SPATA31H1: variants seen among roughly 807,000 people sequenced by gnomAD.
The protein encoded by SPATA31H1 is SPATA31 subfamily H member 1, also known as spermatogenesis-associated protein 31H1.
At chr2:27,553,472 T>C in the SPATA31H1 span, among the ~76,000 whole-genome samples, 1 of 152,106 alleles carries the variant, frequency 6.6e-6, no homozygotes, top group Non-Finnish European at 1.5e-5. Context: ...AGTGTTCTCT[T>C]TGAATACACT....
chr2:27,556,560 C>T, the SPATA31H1 span, among the ~76,000 whole-genome samples: 1 of 151,266 alleles, frequency 6.6e-6, no homozygotes, highest in Non-Finnish European at 1.5e-5. Context: ...CTAATCTGTA[C>T]CCCTTACTGA....
the SPATA31H1 span, chr2:27,579,629 T>C: frequency 6.2e-7 from 1 of 1,614,202 alleles, no homozygotes; most frequent in African/African-American, 1.3e-5. Context: ...CTGTCTCATG[T>C]GCAGGGGGCC....
At chr2:27,543,882 C>T in the SPATA31H1 span, among the ~76,000 whole-genome samples, 1 of 152,112 alleles carries the variant, frequency 6.6e-6, no homozygotes, top group South Asian at 2.1e-4. Context: ...TCCCTCCTGT[C>T]TCAACCCTCT....
chr2:27,546,601 C>A, the SPATA31H1 span, among the ~76,000 whole-genome samples: 3 of 152,034 alleles, frequency 2.0e-5, no homozygotes, highest in Non-Finnish European at 2.9e-5. Context: ...GGTGTGATTA[C>A]AGCTCACTGC....
At chr2:27,539,086 CATT>C in the SPATA31H1 span, among the ~76,000 whole-genome samples, 1 of 139,402 alleles carries the variant, frequency 7.2e-6, no homozygotes, top group African/African-American at 2.7e-5. Context: ...TAATTATAAA[CATT>C]ATCATCATTT....
At chr2:27,542,396 AAAAAAT>A in the SPATA31H1 span, among the ~76,000 whole-genome samples, 2 of 151,992 alleles carry the variant, frequency 1.3e-5, no homozygotes, top group Admixed American at 6.5e-5. Context: ...GACTGTCTCA[AAAAAAT>A]AAAAATAAAA....
At chr2:27,578,439 G>C in the SPATA31H1 span, 2 of 1,614,070 alleles carry the variant, frequency 1.2e-6, no homozygotes, top group Non-Finnish European at 1.7e-6. Context: ...AGTAGCCCTA[G>C]AATCAGGAAT....
chr2:27,578,153 G>T, the SPATA31H1 span: 1 of 1,614,116 alleles, frequency 6.2e-7, no homozygotes, highest in Non-Finnish European at 8.5e-7. Flanking sequence ...TAAAGTCTGT[G>T]ACGATACCAA....
At chr2:27,576,313 T>C in the SPATA31H1 span, 5 of 438,276 alleles carry the variant, frequency 1.1e-5, no homozygotes, top group Non-Finnish European at 2.0e-5. Flanking sequence ...TTTCAAGATA[T>C]AACACCAAAG....
At chr2:27,562,148 TTGTAA>T in the SPATA31H1 span, among the ~76,000 whole-genome samples, 1 of 152,192 alleles carries the variant, frequency 6.6e-6, no homozygotes, top group Non-Finnish European at 1.5e-5. Flanking sequence ...TCCTACAGCT[TTGTAA>T]TGTATCTTAG....
chr2:27,563,229 AACTGCTTTCAT>A, the SPATA31H1 span, among the ~76,000 whole-genome samples: 1 of 151,982 alleles, frequency 6.6e-6, no homozygotes, highest in Admixed American at 6.6e-5. Flanking sequence ...TTATCATTTC[AACTGCTTTCAT>A]ACTTACTATC....
the SPATA31H1 span, chr2:27,571,292 T>C: frequency 2.5e-6 from 1 of 398,246 alleles, no homozygotes; most frequent in Admixed American, 4.4e-5. Flanking sequence ...ACTTGGAAGA[T>C]ATGAAATCTG....
chr2:27,557,881 C>A, the SPATA31H1 span, among the ~76,000 whole-genome samples: 1 of 39,184 alleles, frequency 2.6e-5, no homozygotes, highest in African/African-American at 1.0e-4. Flanking sequence ...CCCCCTCCCC[C>A]CTCCCGGACG....
At chr2:27,542,165 G>A in the SPATA31H1 span, among the ~76,000 whole-genome samples, 1,398 of 152,080 alleles carry the variant, frequency 9.2e-3, 37 homozygotes, top group African/African-American at 0.032. Context: ...GGGAGGCCAA[G>A]GCAGGTGGAT....
the SPATA31H1 span, chr2:27,577,049 A>G: frequency 6.2e-7 from 1 of 1,614,158 alleles, no homozygotes; most frequent in Non-Finnish European, 8.5e-7. The surrounding 1 kb of genome is among the most constrained non-coding windows in gnomAD (Gnocchi z 4.5). Context: ...ACGCCACAGA[A>G]TCTTCAGAAA....
the SPATA31H1 span, chr2:27,572,200 G>C: frequency 2.5e-6 from 1 of 398,332 alleles, no homozygotes; most frequent in Non-Finnish European, 4.4e-6. Flanking sequence ...CAGTTGCAAA[G>C]TATGAAATCT....
the SPATA31H1 span, chr2:27,574,896 G>T: frequency 2.5e-6 from 1 of 398,420 alleles, no homozygotes; most frequent in Non-Finnish European, 4.4e-6. Flanking sequence ...GAAATCTTCT[G>T]AAGTGATCCC....
chr2:27,577,789 C>A, the SPATA31H1 span: 4 of 1,614,126 alleles, frequency 2.5e-6, no homozygotes, highest in Non-Finnish European at 3.4e-6. The surrounding 1 kb of genome is among the most constrained non-coding windows in gnomAD (Gnocchi z 4.5). Flanking sequence ...GTAAATCTGA[C>A]CTGTAAGCAA....
chr2:27,555,094 T>C, the SPATA31H1 span, among the ~76,000 whole-genome samples: 32 of 152,190 alleles, frequency 2.1e-4, no homozygotes, highest in Admixed American at 9.8e-4. Flanking sequence ...GTTTTTATTA[T>C]AAATTATTGT....
Sources: gnomAD v4.1 joint callset for allele counts (sites outside exome capture counted in the v4.1 genomes callset) on GRCh38, gnomAD v4.1.1 for gene constraint, Gnocchi (gnomAD v3.1) non-coding constraint, MANE v1.5 for transcripts, NCBI Gene and HGNC (gene_info 2026-07-23, HGNC 2026-07-21) for gene names.